NEXMIF: variants seen among roughly 807,000 people sequenced by gnomAD.
NEXMIF encodes XLMR protein related to neurite extension.
A neutral mutation model predicts 62.1 loss-of-function variants in NEXMIF; 8 were observed. The observed-to-expected ratio is 0.13, with a 90% CI of 0.08 to 0.23. The LOEUF (loss-of-function observed/expected upper bound fraction) is 0.23, where lower values mean the gene tolerates loss of function less well. Among genes scored for constraint, NEXMIF ranks in the 10% least tolerant of loss-of-function variants. The pLI is 1.00. For synonymous variants in NEXMIF, 404 were observed against 416.6 expected (o/e 0.97, Z 0.37); for missense variants, 976 against 1,113.3 (o/e 0.88, Z 1.75).
At chrX:74,910,078 C>A (rs913609202) in intron 1 of NEXMIF, among the ~76,000 whole-genome samples, 1 of 112,572 alleles carries the variant, frequency 8.9e-6, no homozygotes, top group Non-Finnish European at 1.9e-5. Flanking sequence ...AGCCCCCACA[C>A]AGAGTCCCTA....
chrX:74,920,353 C>G (rs1234154702), intron 1 of NEXMIF, among the ~76,000 whole-genome samples: 15 of 111,438 alleles, frequency 1.3e-4, no homozygotes, highest in South Asian at 3.8e-4. Flanking sequence ...TTGTGGTTTT[C>G]ATTTGCATTT....
chrX:74,760,028 A>T (rs1025876284), intron 1 of NEXMIF, among the ~76,000 whole-genome samples: 5 of 111,857 alleles, frequency 4.5e-5, no homozygotes, highest in Non-Finnish European at 9.4e-5. Context: ...ATGAGCATGG[A>T]CTATTTTTCC....
intron 1 of NEXMIF, among the ~76,000 whole-genome samples, chrX:74,854,558 T>A (rs1251701812): frequency 8.9e-6 from 1 of 111,746 alleles, no homozygotes; most frequent in Admixed American, 9.5e-5. Context: ...CTTGGCTAGG[T>A]CTTTCTGTAC....
intron 1 of NEXMIF, among the ~76,000 whole-genome samples, chrX:74,831,262 A>C (rs1179432931): frequency 2.6e-4 from 29 of 110,566 alleles, no homozygotes; most frequent in African/African-American, 8.2e-4. Context: ...TTACATATGT[A>C]TACATGTGCC....
intron 1 of NEXMIF, among the ~76,000 whole-genome samples, chrX:74,923,779 A>G (rs1400522205): frequency 8.9e-6 from 1 of 112,303 alleles, no homozygotes; most frequent in African/African-American, 3.2e-5. Flanking sequence ...CAGCCCTACA[A>G]CACAAATCAT....
intron 1 of NEXMIF, among the ~76,000 whole-genome samples, chrX:74,851,056 G>A (rs1300667134): frequency 4.6e-5 from 5 of 108,300 alleles, no homozygotes; most frequent in African/African-American, 1.7e-4. Flanking sequence ...TGGAACTGAA[G>A]AATTCACTGA....
At chrX:74,873,687 C>A (rs777732509) in intron 1 of NEXMIF, among the ~76,000 whole-genome samples, 4 of 112,107 alleles carry the variant, frequency 3.6e-5, no homozygotes, top group South Asian at 3.8e-4. Flanking sequence ...GCCATTCTAA[C>A]TGGTGTGAGA....
intron 1 of NEXMIF, among the ~76,000 whole-genome samples, chrX:74,898,298 A>G (rs751566580): frequency 2.7e-5 from 3 of 111,877 alleles, no homozygotes; most frequent in Non-Finnish European, 5.6e-5. Context: ...TCTTCAAAAC[A>G]CATTACCCCA....
chrX:74,868,067 A>G (rs1158422753), intron 1 of NEXMIF, among the ~76,000 whole-genome samples: 1 of 112,285 alleles, frequency 8.9e-6, no homozygotes, highest in African/African-American at 3.2e-5. Context: ...AATCAAAACC[A>G]CAATAAGATA....
intron 1 of NEXMIF, among the ~76,000 whole-genome samples, chrX:74,855,595 G>A (rs1358302105): frequency 1.8e-5 from 2 of 111,816 alleles, no homozygotes; most frequent in Non-Finnish European, 3.8e-5. Context: ...GTTGTTGCTC[G>A]AGGCTGGGTG....
intron 1 of NEXMIF, among the ~76,000 whole-genome samples, chrX:74,787,226 T>A (rs2080263731): frequency 9.5e-6 from 1 of 105,650 alleles, no homozygotes; most frequent in African/African-American, 3.5e-5. Context: ...GAGGTTGTGG[T>A]GAGCCAAGAT....
Position 74,743,591 on chromosome X carries a change from T to C in NEXMIF, c.966A>G (p.Arg322=). ...CCTGCATCAAAAGAGTAGTCTTGTCTCGAACATTGTCCTGAAAGGATTCAT... is the reference window on the plus strand; with the variant it reads ...CCTGCATCAAAAGAGTAGTCTTGTCCCGAACATTGTCCTGAAAGGATTCAT... The part of the protein sequence containing the change: ...IRYESFQDNV[R]DKTTLLMQED... Residue 322 remains arginine, a synonymous_variant, in exon 3 of 4, where the codon CGA becomes CGG. Transcript: ENST00000055682. 4 of 1,211,599 alleles carry C rather than the reference T, an allele frequency of 3.3e-6. No individual in the cohort carries two copies. The highest frequency in any genetic ancestry group is 4.5e-6 in the Non-Finnish European group (4 of 895,515).
intron 1 of NEXMIF, among the ~76,000 whole-genome samples, chrX:74,760,864 T>G (rs1210669930): frequency 2.8e-5 from 3 of 105,268 alleles, no homozygotes; most frequent in Admixed American, 2.1e-4. Context: ...ATTTATTTAT[T>G]TATTTATTTA....
chrX:74,791,635 A>T (rs1428264016), intron 1 of NEXMIF, among the ~76,000 whole-genome samples: 51 of 110,974 alleles, frequency 4.6e-4, no homozygotes, highest in Non-Finnish European at 8.1e-4. Flanking sequence ...TAAGCTATTG[A>T]TTATTGCCAC....
chrX:74,845,313 A>G (rs1281680552), intron 1 of NEXMIF, among the ~76,000 whole-genome samples: 11 of 111,872 alleles, frequency 9.8e-5, no homozygotes, highest in Admixed American at 8.5e-4. Flanking sequence ...TTTTTAGAAA[A>G]TAGTCTACTC....
chrX:74,886,359 G>T (rs1291298820), intron 1 of NEXMIF, among the ~76,000 whole-genome samples: 1 of 111,626 alleles, frequency 9.0e-6, no homozygotes, highest in Non-Finnish European at 1.9e-5. Flanking sequence ...AAGTCAAATT[G>T]TCCCTGTTTG....
intron 1 of NEXMIF, among the ~76,000 whole-genome samples, chrX:74,784,466 T>C (rs937611502): frequency 2.7e-5 from 3 of 111,388 alleles, no homozygotes; most frequent in African/African-American, 9.8e-5. Context: ...TCCCCATTCA[T>C]TGCCCTGGAG....
intron 1 of NEXMIF, among the ~76,000 whole-genome samples, chrX:74,908,843 T>C (rs1256760798): frequency 8.9e-6 from 1 of 111,768 alleles, no homozygotes; most frequent in Non-Finnish European, 1.9e-5. Flanking sequence ...ATGGGGGCAG[T>C]TTCCCCCATA....
intron 1 of NEXMIF, among the ~76,000 whole-genome samples, chrX:74,866,727 G>A (rs375239555): frequency 5.3e-5 from 6 of 112,555 alleles, no homozygotes; most frequent in East Asian, 2.8e-4. Context: ...GTCTCAAAAA[G>A]CCTGTTGGTT....
Sources: gnomAD v4.1 joint callset for allele counts (sites outside exome capture counted in the v4.1 genomes callset) on GRCh38, gnomAD v4.1.1 for gene constraint, MANE v1.5 for transcripts, NCBI Gene and HGNC (gene_info 2026-07-23, HGNC 2026-07-21) for gene names.